MED13: variants seen among roughly 807,000 people sequenced by gnomAD.
MED13 encodes mediator of RNA polymerase II transcription subunit 13.
MED13 carries 23 observed loss-of-function variants against 225.2 expected under a neutral mutation model. The observed-to-expected ratio is 0.10, with a 90% CI of 0.07 to 0.14. The LOEUF (loss-of-function observed/expected upper bound fraction) is 0.14. MED13 is among the 10% of genes least tolerant of loss of function. MED13 has a pLI of 1.00. For synonymous variants in MED13, 942 were observed against 889.2 expected (o/e 1.06, Z -1.06); for missense variants, 2,197 against 2,594.5 (o/e 0.85, Z 3.33).
At chr17:61,991,738 G>T (rs2080301007) in intron 11 of MED13, among the ~76,000 whole-genome samples, 1 of 152,064 alleles carries the variant, frequency 6.6e-6, no homozygotes, top group Admixed American at 6.5e-5. Context: ...TCAATCTCTT[G>T]ACCTCGTGAT....
rs146177211 is a variant in MED13, at chr17:61,989,427, C to T, written c.2264-2299G>A. Among the ~76,000 whole-genome samples the T allele has an allele frequency of 3.8e-3, 571 of 152,216 alleles. 3 individuals carry two copies. The highest frequency in any genetic ancestry group is 0.012 in the African/African-American group (518 of 41,512). On this transcript the variant is annotated intron_variant, in intron 11 of 29. Coordinates refer to ENST00000397786, the MANE Select transcript of MED13 (RefSeq NM_005121.3). ...AGCGATCCTGGCTCACTGCAACCTC[C>T]GACTCCTAGATTCAAGCAATTCTGC... is the stretch of plus-strand genomic sequence containing the variant.
intron 8 of MED13, among the ~76,000 whole-genome samples, chr17:62,021,328 C>G (rs577464602): frequency 6.8e-6 from 1 of 147,358 alleles, no homozygotes. Context: ...CTGACCCCCC[C>G]ACCTCCCTCC....
chr17:62,055,854 A>G (rs967551009), intron 2 of MED13, among the ~76,000 whole-genome samples: 1 of 152,122 alleles, frequency 6.6e-6, no homozygotes, highest in Admixed American at 6.6e-5. Context: ...TGGTTTAGAA[A>G]AGTAATCAGT....
At chr17:62,060,936 G>A (rs192650250) in intron 2 of MED13, among the ~76,000 whole-genome samples, 2 of 152,108 alleles carry the variant, frequency 1.3e-5, no homozygotes, top group East Asian at 1.9e-4. Context: ...CTGACCCTGC[G>A]ATCTGCCTGC....
At chr17:61,961,232 T>C in intron 22 of MED13, 142 bp from the exon 23 acceptor site, 1 of 793,824 alleles carries the variant, frequency 1.3e-6, no homozygotes, top group South Asian at 1.9e-5. Context: ...TTTTGCATAG[T>C]ATCATAAAAA....
intron 9 of MED13, chr17:62,004,875 C>T (rs1020986650): frequency 2.0e-5 from 3 of 149,524 alleles, no homozygotes; most frequent in African/African-American, 4.9e-5. Flanking sequence ...TCTTTTAAGG[C>T]TTGTTTCTAA....
At chr17:62,005,781 T>C (rs2080441171) in intron 9 of MED13, 1 of 152,234 alleles carries the variant, frequency 6.6e-6, no homozygotes, top group Non-Finnish European at 1.5e-5. Flanking sequence ...ACAGTGGCTA[T>C]TCACAGGTGC....
At chr17:62,015,325 T>C (rs981447458) in intron 8 of MED13, among the ~76,000 whole-genome samples, 5 of 152,168 alleles carry the variant, frequency 3.3e-5, no homozygotes, top group Non-Finnish European at 1.5e-5. Context: ...ATCAAGAGCA[T>C]AGCATAAGGA....
chr17:61,970,176 G>A (rs1160891232), intron 17 of MED13, among the ~76,000 whole-genome samples: 1 of 152,098 alleles, frequency 6.6e-6, no homozygotes, highest in Non-Finnish European at 1.5e-5. Flanking sequence ...TTAGAGATGA[G>A]AAAACATAAA....
chr17:62,028,907 T>C (rs115092398), intron 8 of MED13, among the ~76,000 whole-genome samples: 283 of 152,284 alleles, frequency 1.9e-3, no homozygotes, highest in African/African-American at 6.2e-3. Context: ...CCTGTAATCA[T>C]AGCACTTTGG....
intron 23 of MED13, among the ~76,000 whole-genome samples, chr17:61,957,594 C>T (rs956641378): frequency 5.3e-4 from 81 of 152,196 alleles, no homozygotes; most frequent in Non-Finnish European, 6.8e-4. Flanking sequence ...GTGATCCGCC[C>T]GCCTTGGCCT....
intron 26 of MED13, among the ~76,000 whole-genome samples, chr17:61,954,392 G>C (rs2079923376): frequency 6.6e-6 from 1 of 152,174 alleles, no homozygotes; most frequent in Admixed American, 6.6e-5. Flanking sequence ...ATCAACATAA[G>C]AGATATATAA....
chr17:62,044,464 T>A (rs1227142929), intron 3 of MED13, among the ~76,000 whole-genome samples: 1 of 152,234 alleles, frequency 6.6e-6, no homozygotes, highest in East Asian at 1.9e-4. Flanking sequence ...TCACTCTCTA[T>A]GGACTAAGTT....
intron 8 of MED13, among the ~76,000 whole-genome samples, chr17:62,015,956 T>TATATACATA (rs1567980132): frequency 2.0e-4 from 1 of 4,892 alleles, no homozygotes; most frequent in Admixed American, 6.3e-3. Flanking sequence ...ATATATATAT[T>TATATACATA]TTTTTTTTTT....
intron 26 of MED13, 35 bp downstream of exon 26, chr17:61,955,347 T>A: frequency 6.9e-7 from 1 of 1,444,688 alleles, no homozygotes; most frequent in Non-Finnish European, 9.2e-7. Flanking sequence ...TTGGGGGGTA[T>A]TCTTCAGACT....
intron 2 of MED13, among the ~76,000 whole-genome samples, chr17:62,061,280 A>C (rs925947088): frequency 6.6e-6 from 1 of 152,090 alleles, no homozygotes; most frequent in Non-Finnish European, 1.5e-5. Context: ...GCACTTTGGG[A>C]GGTTAAGATG....
At chr17:62,015,643 C>T (rs974195792) in intron 8 of MED13, among the ~76,000 whole-genome samples, 3 of 148,958 alleles carry the variant, frequency 2.0e-5, no homozygotes, top group Non-Finnish European at 3.0e-5. Context: ...GCGTGATCTC[C>T]GCTCACTGTA....
chr17:62,020,533 C>A (rs144958428), intron 8 of MED13, among the ~76,000 whole-genome samples: 1 of 151,830 alleles, frequency 6.6e-6, no homozygotes, highest in South Asian at 2.1e-4. Context: ...TGCATCACCA[C>A]GCCCGGCTAA....
At chr17:61,969,882 G>GT (rs1555632660) in intron 17 of MED13, among the ~76,000 whole-genome samples, 2 of 152,068 alleles carry the variant, frequency 1.3e-5, no homozygotes, top group Non-Finnish European at 2.9e-5. Context: ...GATTACAGGC[G>GT]TGAGTCGTCA....
Sources: allele counts gnomAD v4.1 joint callset (sites outside exome capture counted in the v4.1 genomes callset), GRCh38; gene constraint gnomAD v4.1.1; transcripts MANE v1.5; gene names NCBI Gene and HGNC (gene_info 2026-07-23, HGNC 2026-07-21).